The following SPINK5 variants were observed in gnomAD, a reference collection of about 807,000 sequenced individuals.
SPINK5 encodes serine peptidase inhibitor Kazal type 5.
In SPINK5, 125 loss-of-function variants were observed where a neutral mutation model predicts 151.8. The ratio of observed to expected loss-of-function variants is 0.82; its 90% CI spans 0.71 to 0.96. The LOEUF (loss-of-function observed/expected upper bound fraction) is 0.96. Ranked by LOEUF, SPINK5 falls within the 40% of genes least tolerant of loss-of-function variation. SPINK5 has a pLI of 0.00. For missense variants in SPINK5, 1,194 were observed against 1,291.9 expected (o/e 0.92, Z 1.16); for synonymous variants, 374 against 395.3 (o/e 0.95, Z 0.64).
In SPINK5 at chr5:148,070,383, A is replaced by G. The variant is rs776356775; in HGVS notation, c.142A>G (p.Lys48Glu). 1 of 1,612,906 alleles carries G rather than the reference A, an allele frequency of 6.2e-7. No individual in the cohort carries two copies. Among genetic ancestry groups the G allele is most frequent in the Non-Finnish European group, 8.5e-7 (1 of 1,179,312 alleles). Residue 48 changes from lysine to glutamate, a missense_variant, in exon 3 of 33, where the codon AAG (lysine) becomes GAG (glutamate). Physicochemically the swap from Lys to Glu is moderately conservative, Grantham distance 56. Coordinates refer to ENST00000256084, the MANE Select transcript of SPINK5 (RefSeq NM_006846.4). ...KNGKLFCPQD[K>E]KFFQSLDGIM... The stretch of plus-strand genomic sequence containing the variant: ...TGGAAAACTGTTCTGTCCCCAGGAT[A>G]AGAAATTTTTTCAAAGTCTTGATGG...
In SPINK5 at chr5:148,118,505, T is replaced by C; in HGVS notation, c.2181T>C (p.Pro727=). ...TCAGCTGTACTCGGGAGAGTGATCC[T>C]GTACGTGATGCTGATGGCAAATCGT... The part of the protein sequence containing the change: ...GRLSCTRESD[P]VRDADGKSYN... Residue 727 remains proline, a synonymous_variant, in exon 23 of 33, where the codon CCT becomes CCC. Coordinates refer to ENST00000256084, the MANE Select transcript of SPINK5 (RefSeq NM_006846.4). 6.2e-7 allele frequency: 1 copy of C among 1,614,190 alleles called. No homozygotes were observed. Among genetic ancestry groups the C allele is most frequent in the Non-Finnish European group, 8.5e-7 (1 of 1,180,014 alleles).
chr5:148,122,061 C>T (rs11741387), intron 26 of SPINK5, among the ~76,000 whole-genome samples: 85,016 of 151,212 alleles, frequency 0.56, 24,542 homozygotes, highest in Admixed American at 0.65. Context: ...ACACATGCAA[C>T]GTTAAATAAG....
chr5:148,108,965 T>G lies in SPINK5; in HGVS notation c.1692+128T>G. The G allele has an allele frequency of 2.0e-6, 3 of 1,504,320 alleles. No homozygotes were observed. The South Asian group carries it at 3.5e-5, about 18-fold the overall frequency. The allele number at this position is 1,504,320 out of a possible 1,614,324, so 93.2% of individuals were successfully genotyped here. On this transcript the variant is annotated intron_variant, in intron 18 of 32. Coordinates refer to ENST00000256084, the MANE Select transcript of SPINK5 (RefSeq NM_006846.4). Reference sequence around the variant, plus strand: ...TGCAAACTGGGAAAATGTGTTTGGATCCCCATATACAAGAGTACTCCCCTT... The same window carrying G: ...TGCAAACTGGGAAAATGTGTTTGGAGCCCCATATACAAGAGTACTCCCCTT...
intron 31 of SPINK5, among the ~76,000 whole-genome samples, chr5:148,133,460 G>C (rs1754621874): frequency 6.6e-6 from 1 of 152,150 alleles, no homozygotes; most frequent in Non-Finnish European, 1.5e-5. Context: ...ACTCAATATA[G>C]TCAAACATCT....
At chr5:148,099,525 T>C (rs1244497195) in intron 12 of SPINK5, among the ~76,000 whole-genome samples, 2 of 151,374 alleles carry the variant, frequency 1.3e-5, no homozygotes, top group Non-Finnish European at 2.9e-5. Flanking sequence ...AAAAATTGTT[T>C]AAAAGCTGAA....
chr5:148,117,822 C>T (rs1008177612), intron 22 of SPINK5, among the ~76,000 whole-genome samples: 4 of 152,130 alleles, frequency 2.6e-5, no homozygotes, highest in African/African-American at 9.7e-5. Flanking sequence ...AACCAATCCC[C>T]CAAGTGTACC....
intron 8 of SPINK5, among the ~76,000 whole-genome samples, chr5:148,093,605 C>T (rs533288073): frequency 6.6e-6 from 1 of 151,754 alleles, no homozygotes; most frequent in South Asian, 2.1e-4. Context: ...TTATTCTTGA[C>T]TTGATCCATA....
At chr5:148,099,933 A>G (rs189205867) in intron 12 of SPINK5, among the ~76,000 whole-genome samples, 1 of 152,086 alleles carries the variant, frequency 6.6e-6, no homozygotes, top group East Asian at 1.9e-4. Flanking sequence ...TAATCCTGTT[A>G]TCTCTCCTCT....
chr5:148,121,335 A>G (rs114606935), intron 26 of SPINK5, among the ~76,000 whole-genome samples: 82 of 151,956 alleles, frequency 5.4e-4, no homozygotes, highest in African/African-American at 1.7e-3. Context: ...ACGGACTCCA[A>G]TTAGAAAAGA....
At chr5:148,096,294 T>C (rs575357584) in intron 10 of SPINK5, among the ~76,000 whole-genome samples, 1 of 152,126 alleles carries the variant, frequency 6.6e-6, no homozygotes, top group South Asian at 2.1e-4. Context: ...CCTTTTAAAT[T>C]ATACTGTTCT....
At chr5:148,083,531 A>G (rs539509056) in intron 4 of SPINK5, among the ~76,000 whole-genome samples, 4 of 151,474 alleles carry the variant, frequency 2.6e-5, no homozygotes, top group African/African-American at 7.2e-5. Flanking sequence ...TGTTCTTATT[A>G]TGACTATCCC....
At chr5:148,075,214 C>T (rs1252978357) in intron 4 of SPINK5, among the ~76,000 whole-genome samples, 1 of 151,578 alleles carries the variant, frequency 6.6e-6, no homozygotes, top group Admixed American at 6.6e-5. Flanking sequence ...TAATATTTAT[C>T]ATAGCGGTTT....
At chr5:148,128,196 A>C in intron 30 of SPINK5, among the ~76,000 whole-genome samples, 1 of 149,036 alleles carries the variant, frequency 6.7e-6, no homozygotes, top group East Asian at 2.0e-4. Context: ...ATCCGAAGGC[A>C]TGGAGAAGAG....
rs928119022 is a variant in SPINK5 at position 148,137,137 on chromosome 5, T to G, written c.*146T>G. The G allele has an allele frequency of 1.2e-5, 13 of 1,041,466 alleles. No homozygotes were observed. The highest frequency in any genetic ancestry group is 1.9e-5 in the Non-Finnish European group (13 of 674,870). 64.5% of individuals were successfully genotyped at this position (1,041,466 alleles called of 1,614,324 possible). On this transcript the variant is annotated 3_prime_UTR_variant, in exon 33 of 33. Transcript: ENST00000256084. Reference sequence around the variant, plus strand: ...ACAGAGCTTTTGGGAATGGACTCACTGATTTTCAGTCTTTTCCATCTCTTT... The same window carrying G: ...ACAGAGCTTTTGGGAATGGACTCACGGATTTTCAGTCTTTTCCATCTCTTT...
chr5:148,125,754 G>A lies in SPINK5; in HGVS notation c.2771G>A (p.Arg924Lys), dbSNP rs1282823316. The A allele has an allele frequency of 1.2e-6, 2 of 1,614,000 alleles. No individual in the cohort carries two copies. The highest frequency in any genetic ancestry group is 2.7e-5 in the African/African-American group (2 of 74,900). Residue 924 changes from arginine to lysine, a missense_variant, in exon 29 of 33, where the codon AGG becomes AAG. Arg to Lys is a conservative substitution (Grantham distance 26). Coordinates refer to ENST00000256084, the MANE Select transcript of SPINK5 (RefSeq NM_006846.4). ...DECSEFRNYIRNNELICPREN... is the reference protein window; with the variant it reads ...DECSEFRNYIKNNELICPREN... ...TGCAGTGAATTTCGAAACTATATAA[G>A]GAACAATGAACTCATCTGCCCTAGA...
intron 30 of SPINK5, among the ~76,000 whole-genome samples, chr5:148,129,452 T>A (rs1754520326): frequency 6.6e-6 from 1 of 152,142 alleles, no homozygotes; most frequent in African/African-American, 2.4e-5. Context: ...GGTAAGATAC[T>A]GGGTCTGTTT....
At chr5:148,118,855 G>A (rs1353022243) in intron 23 of SPINK5, 131 bp from the exon 24 acceptor site, 3 of 984,114 alleles carry the variant, frequency 3.0e-6, no homozygotes, top group African/African-American at 1.6e-5. Context: ...ACTTTGTCAC[G>A]GCCATTTGGA....
intron 2 of SPINK5, among the ~76,000 whole-genome samples, chr5:148,065,819 A>G (rs955758882): frequency 2.6e-5 from 4 of 152,262 alleles, no homozygotes; most frequent in South Asian, 2.1e-4. Flanking sequence ...ATATTTATTG[A>G]GCATCTCTTA....
Position 148,107,107 on chromosome 5 carries a change from T to C in SPINK5, c.1550T>C (p.Val517Ala). ...TLICTREHNP[V>A]RGPDGKMHGN... is the part of the protein sequence containing the mutation. ...ATATGCACCAGGGAGCATAATCCTG[T>C]CCGTGGCCCAGATGGCAAAATGCAT... Residue 517 changes from valine (V) to alanine (A), a missense_variant, in exon 17 of 33, where the codon GTC becomes GCC. Transcript: ENST00000256084. The C allele has an allele frequency of 6.2e-7, 1 of 1,613,506 alleles. No individual in the cohort carries two copies. The highest frequency in any genetic ancestry group is 8.5e-7 in the Non-Finnish European group (1 of 1,179,620).
Sources: allele counts gnomAD v4.1 joint callset (sites outside exome capture counted in the v4.1 genomes callset), GRCh38; gene constraint gnomAD v4.1.1; transcripts MANE v1.5; gene names NCBI Gene and HGNC (gene_info 2026-07-23, HGNC 2026-07-21).